The following GRK5 variants were observed in gnomAD, a reference collection of about 807,000 sequenced individuals.
GRK5 encodes G protein-coupled receptor kinase 5, also known as g protein-coupled receptor kinase GRK5.
GRK5 carries 40 observed loss-of-function variants against 78.4 expected under a neutral mutation model. The observed-to-expected ratio is 0.51, with a 90% CI of 0.40 to 0.66. The LOEUF (loss-of-function observed/expected upper bound fraction) is 0.66, where lower values mean the gene tolerates loss of function less well. Among genes scored for constraint, GRK5 ranks in the 30% least tolerant of loss-of-function variants. The pLI is 0.00. For missense variants in GRK5, 598 were observed against 759.9 expected (o/e 0.79, Z 2.50); for synonymous variants, 289 against 296.8 (o/e 0.97, Z 0.27).
At chr10:119,219,765 T>C (rs1044588193) in intron 1 of GRK5, among the ~76,000 whole-genome samples, 1 of 152,240 alleles carries the variant, frequency 6.6e-6, no homozygotes, top group African/African-American at 2.4e-5. Context: ...GAAATAAATA[T>C]TTGCATTAGA....
chr10:119,352,864 G>A (rs963841560), intron 2 of GRK5, among the ~76,000 whole-genome samples: 3 of 152,166 alleles, frequency 2.0e-5, no homozygotes, highest in African/African-American at 7.2e-5. Context: ...CCCGTATGGT[G>A]GTGACCAGGC....
At chr10:119,449,422 C>A (rs891352823) in intron 13 of GRK5, among the ~76,000 whole-genome samples, 1 of 152,160 alleles carries the variant, frequency 6.6e-6, no homozygotes, top group African/African-American at 2.4e-5. Context: ...GGCAACCACA[C>A]CACAGACCCC....
intron 1 of GRK5, among the ~76,000 whole-genome samples, chr10:119,231,526 T>C (rs1367061495): frequency 2.6e-5 from 4 of 151,658 alleles, no homozygotes; most frequent in Non-Finnish European, 5.9e-5. Flanking sequence ...ACCAACATGG[T>C]GAAACCTTGT....
intron 1 of GRK5, among the ~76,000 whole-genome samples, chr10:119,213,913 A>T (rs1272797227): frequency 6.6e-6 from 1 of 152,206 alleles, no homozygotes; most frequent in Non-Finnish European, 1.5e-5. Flanking sequence ...AGATAATACA[A>T]TGTGAAATGA....
chr10:119,293,677 T>C (rs1324555336), intron 1 of GRK5, among the ~76,000 whole-genome samples: 2 of 151,956 alleles, frequency 1.3e-5, no homozygotes, highest in Non-Finnish European at 2.9e-5. Flanking sequence ...GCCCAGGAGA[T>C]TTGCTGGGAA....
intron 3 of GRK5, among the ~76,000 whole-genome samples, chr10:119,386,620 C>G (rs1460304436): frequency 1.3e-5 from 2 of 152,222 alleles, no homozygotes; most frequent in African/African-American, 4.8e-5. Flanking sequence ...CTGCCACTCA[C>G]GAGGGGCCGA....
At chr10:119,391,367 G>A (rs969627979) in intron 3 of GRK5, among the ~76,000 whole-genome samples, 3 of 152,216 alleles carry the variant, frequency 2.0e-5, no homozygotes, top group African/African-American at 4.8e-5. Flanking sequence ...AGGAAGCAAG[G>A]CCAGTGCCCA....
At chr10:119,291,837 A>C (rs528330088) in intron 1 of GRK5, among the ~76,000 whole-genome samples, 20 of 102,296 alleles carry the variant, frequency 2.0e-4, no homozygotes, top group East Asian at 3.2e-4. Flanking sequence ...TCTCCTCTTT[A>C]TCCTCATTCT....
At chr10:119,208,088 G>T in intron 1 of GRK5, 119 bp downstream of exon 1, 1 of 911,008 alleles carries the variant, frequency 1.1e-6, no homozygotes, top group South Asian at 1.7e-5. Context: ...CGAGTGGGTC[G>T]CGAGCAGGAC....
chr10:119,410,216 G>C (rs990706264), intron 4 of GRK5, among the ~76,000 whole-genome samples: 7 of 152,176 alleles, frequency 4.6e-5, no homozygotes, highest in Non-Finnish European at 1.0e-4. Context: ...GTAAAGGGTC[G>C]GGGTCTGGGT....
At chr10:119,276,550 G>A (rs562780972) in intron 1 of GRK5, among the ~76,000 whole-genome samples, 66 of 152,152 alleles carry the variant, frequency 4.3e-4, no homozygotes, top group Middle Eastern at 3.4e-3. Context: ...GAATAGTGCC[G>A]CAATAAACAT....
chr10:119,371,873 C>T (rs1452623907), intron 2 of GRK5, among the ~76,000 whole-genome samples: 3 of 152,236 alleles, frequency 2.0e-5, no homozygotes, highest in Non-Finnish European at 2.9e-5. Flanking sequence ...TGCTCACATG[C>T]GTTGTTGCCA....
intron 2 of GRK5, among the ~76,000 whole-genome samples, chr10:119,350,044 G>C (rs145061282): frequency 2.2e-4 from 34 of 152,338 alleles, no homozygotes; most frequent in African/African-American, 7.9e-4. Flanking sequence ...CCTGAGCCAC[G>C]ACAGCTTAAC....
At chr10:119,308,711 T>C (rs1316369579) in intron 1 of GRK5, among the ~76,000 whole-genome samples, 6 of 152,382 alleles carry the variant, frequency 3.9e-5, no homozygotes, top group African/African-American at 1.4e-4. Context: ...AGACAATGGC[T>C]GCACAGGCAC....
intron 4 of GRK5, among the ~76,000 whole-genome samples, chr10:119,411,842 CT>C (rs10578557): frequency 3.9e-4 from 37 of 95,976 alleles, no homozygotes; most frequent in African/African-American, 8.6e-4. Context: ...AGATCTGCTT[CT>C]TTTTTTTTTT....
intron 1 of GRK5, among the ~76,000 whole-genome samples, chr10:119,216,653 TAAAA>T (rs1255303480): frequency 6.6e-6 from 1 of 151,430 alleles, no homozygotes; most frequent in South Asian, 2.1e-4. Flanking sequence ...CTACAAAAAA[TAAAA>T]AATAAATAAA....
Position 119,262,470 on chromosome 10 carries a change from C to G in GRK5, c.52+54501C>G, listed in dbSNP as rs556173418. Among the ~76,000 whole-genome samples, 3 of 150,796 alleles carry G rather than the reference C, an allele frequency of 2.0e-5. No homozygotes were observed. In the East Asian group the frequency reaches 5.9e-4, roughly 30 times the overall value. On this transcript the variant is annotated intron_variant, in intron 1 of 15. Coordinates refer to ENST00000392870, the MANE Select transcript of GRK5 (RefSeq NM_005308.3). ...TCTCCTGCCTCAGCCCCCCGAGTAG[C>G]TGGGACTACAGGTGTGCGCCACCAC...
chr10:119,386,629 G>A (rs558293934), intron 3 of GRK5, among the ~76,000 whole-genome samples: 4 of 152,202 alleles, frequency 2.6e-5, no homozygotes, highest in Non-Finnish European at 5.9e-5. Flanking sequence ...ACGAGGGGCC[G>A]ACCCGCTCCC....
intron 2 of GRK5, among the ~76,000 whole-genome samples, chr10:119,357,379 T>C (rs1212488377): frequency 6.6e-6 from 1 of 152,168 alleles, no homozygotes; most frequent in East Asian, 1.9e-4. Context: ...AAGTGGAAGC[T>C]GAGGCACCTG....
Sources: allele counts gnomAD v4.1 joint callset (sites outside exome capture counted in the v4.1 genomes callset), GRCh38; gene constraint gnomAD v4.1.1; transcripts MANE v1.5; gene names NCBI Gene and HGNC (gene_info 2026-07-23, HGNC 2026-07-21).